The following STK32B variants were observed in gnomAD, a reference collection of about 807,000 sequenced individuals.
The protein encoded by STK32B is serine/threonine kinase 32B, also known as serine/threonine-protein kinase 32B.
In STK32B, 43 loss-of-function variants were observed where a neutral mutation model predicts 52.6. The observed-to-expected ratio is 0.82, with a 90% CI of 0.64 to 1.05. The LOEUF (loss-of-function observed/expected upper bound fraction) is 1.05. Among genes scored for constraint, STK32B ranks in the 50% least tolerant of loss-of-function variants. STK32B has a pLI of 0.00. For missense variants in STK32B, 621 were observed against 534.6 expected (o/e 1.16, Z -1.59); for synonymous variants, 238 against 204.3 (o/e 1.17, Z -1.41).
chr4:5,360,016 G>A (rs1036521637), intron 4 of STK32B, among the ~76,000 whole-genome samples: 2 of 152,188 alleles, frequency 1.3e-5, no homozygotes, highest in Non-Finnish European at 2.9e-5. Context: ...GCTGCTGTGT[G>A]GAAGATGGAC....
At chr4:5,217,966 A>G (rs181511440) in intron 3 of STK32B, among the ~76,000 whole-genome samples, 1 of 152,340 alleles carries the variant, frequency 6.6e-6, no homozygotes, top group East Asian at 1.9e-4. Flanking sequence ...AGAAGGCCTC[A>G]GGCTTTCTAA....
intron 3 of STK32B, among the ~76,000 whole-genome samples, chr4:5,257,700 T>G (rs73081698): frequency 6.6e-6 from 1 of 152,134 alleles, no homozygotes; most frequent in African/African-American, 2.4e-5. Flanking sequence ...CCCAGCACTT[T>G]GGGAGGCCAA....
intron 1 of STK32B, among the ~76,000 whole-genome samples, chr4:5,092,619 C>T (rs1318154912): frequency 6.6e-6 from 1 of 152,090 alleles, no homozygotes; most frequent in Non-Finnish European, 1.5e-5. Context: ...GTTCTGCAGG[C>T]TCCACGGGAA....
At chr4:5,465,094 CA>C (rs1388322291) in intron 9 of STK32B, among the ~76,000 whole-genome samples, 1 of 152,092 alleles carries the variant, frequency 6.6e-6, no homozygotes, top group Non-Finnish European at 1.5e-5. Context: ...CACAGCAGGT[CA>C]CAACAGAAAG....
At chr4:5,427,146 G>T (rs1203031575) in intron 6 of STK32B, among the ~76,000 whole-genome samples, 1 of 152,154 alleles carries the variant, frequency 6.6e-6, no homozygotes, top group Non-Finnish European at 1.5e-5. Context: ...TTCTAAATCT[G>T]TCGAGATAAT....
chr4:5,436,443 T>A (rs541731565), intron 6 of STK32B, among the ~76,000 whole-genome samples: 1 of 152,176 alleles, frequency 6.6e-6, no homozygotes, highest in Non-Finnish European at 1.5e-5. Context: ...ACACAGTTTA[T>A]GAAACAGCCA....
At position 5,467,875 on chromosome 4, in the gene STK32B, A is replaced by T. The variant is rs1283749448; in HGVS notation, c.1042-131A>T. 1.5e-5 allele frequency: 15 copies of T among 983,592 alleles called. No homozygotes were observed. The highest frequency in any genetic ancestry group is 5.4e-5 in the Admixed American group (3 of 55,752). The allele number at this position is 983,592 out of a possible 1,614,324, so 60.9% of individuals were successfully genotyped here. On this transcript the variant is annotated intron_variant, in intron 10 of 11. Coordinates refer to ENST00000282908, the MANE Select transcript of STK32B (RefSeq NM_018401.3). The surrounding 1 kb of genome is among the most constrained non-coding windows in gnomAD (Gnocchi z 5.8). ...CAGTCAGGGTCAGCCCCAGACACTT[A>T]GCTTGGCTTGTCCCGGTCCCAAGCA... is the stretch of plus-strand genomic sequence containing the variant.
chr4:5,356,819 A>T (rs1734199488), intron 4 of STK32B, among the ~76,000 whole-genome samples: 1 of 152,106 alleles, frequency 6.6e-6, no homozygotes, highest in Non-Finnish European at 1.5e-5. Context: ...CAACATGGTG[A>T]AAACCCATCT....
rs939563388 is a variant in STK32B at position 5,459,286 on chromosome 4, C to CT, written c.784-817_784-816insT. ...TCCACCTGTGGACCCTGGTGTGCCC[C>CT]CCCCCCCCACCTTTCTAAGTATGTG... On this transcript the variant is annotated intron_variant, in intron 8 of 11. Transcript: ENST00000282908. 5.2e-5 allele frequency among the ~76,000 whole-genome samples: 3 copies of CT among 58,094 alleles called. No individual in the cohort carries two copies. In the East Asian group the frequency reaches 6.5e-4, roughly 13 times the overall value. The allele number at this position is 58,094 out of a possible 152,430, so 38.1% of individuals were successfully genotyped here.
Position 5,423,652 on chromosome 4 carries a change from C to T in STK32B, c.562+6718C>T, listed in dbSNP as rs560188168. ...CACTCTAGTTGCAGAAACAGACTAACGAAATCCCAGTTCACTGCAGGGGCT... is the reference window on the plus strand; with the variant it reads ...CACTCTAGTTGCAGAAACAGACTAATGAAATCCCAGTTCACTGCAGGGGCT... On this transcript the variant is annotated intron_variant, in intron 6 of 11. Coordinates refer to ENST00000282908, the MANE Select transcript of STK32B (RefSeq NM_018401.3). Among the ~76,000 whole-genome samples the T allele has an allele frequency of 1.1e-4, 17 of 152,294 alleles. No individual in the cohort carries two copies. The South Asian group carries it at 1.9e-3, about 17-fold the overall frequency.
rs529850968 is a variant in STK32B, at chr4:5,470,820, A to G, written c.1106+2750A>G. ...ATCCTTCACTTCTGTCTGGAATCCCATGTTAGAGGCACTGCTGGCACTTGA... is the reference window on the plus strand; with the variant it reads ...ATCCTTCACTTCTGTCTGGAATCCCGTGTTAGAGGCACTGCTGGCACTTGA... On this transcript the variant is annotated intron_variant, in intron 11 of 11. Coordinates refer to ENST00000282908, the MANE Select transcript of STK32B (RefSeq NM_018401.3). This position sits in a 1 kb window ranked among gnomAD's most constrained non-coding sequence, Gnocchi z 4.6. 1.3e-5 allele frequency among the ~76,000 whole-genome samples: 2 copies of G among 152,356 alleles called. No homozygotes were observed. The highest frequency in any genetic ancestry group is 2.9e-5 in the Non-Finnish European group (2 of 68,036).
intron 3 of STK32B, among the ~76,000 whole-genome samples, chr4:5,279,852 T>C (rs988014293): frequency 2.0e-5 from 3 of 152,144 alleles, no homozygotes; most frequent in Admixed American, 6.5e-5. Flanking sequence ...TTTGCCCCTT[T>C]TAGTCACAGC....
chr4:5,095,435 C>T lies in STK32B; in HGVS notation c.52+43520C>T, dbSNP rs1039762005. On this transcript the variant is annotated intron_variant, in intron 1 of 11. Coordinates refer to ENST00000282908, the MANE Select transcript of STK32B (RefSeq NM_018401.3). ...TTCAAGACCAGTCTGGCCAACAGGG[C>T]GAAACTCTGCCTCTATTAAAACTAT... is the stretch of plus-strand genomic sequence containing the variant. Among the ~76,000 whole-genome samples, 10 of 152,196 alleles carry T rather than the reference C, an allele frequency of 6.6e-5. No individual in the cohort carries two copies. In the South Asian group the frequency reaches 8.3e-4, roughly 13 times the overall value.
rs1560313561 is a variant in STK32B, at chr4:5,317,263, T to TATATATTATATAAC, written c.261-13951_261-13950insTATATAACATATAT. 4.3e-4 allele frequency among the ~76,000 whole-genome samples: 11 copies of TATATATTATATAAC among 25,588 alleles called. 1 individual carries two copies. The highest frequency in any genetic ancestry group is 1.9e-3 in the African/African-American group (9 of 4,742). The allele number at this position is 25,588 out of a possible 152,430, so 16.8% of individuals were successfully genotyped here. Reference sequence around the variant, plus strand: ...TATATATTATATATAACATATAACATATATATAATATATAACATATAACAT... The same window carrying TATATATTATATAAC: ...TATATATTATATATAACATATAACATATATATTATATAACATATATAATATATAACATATAACAT... On this transcript the variant is annotated intron_variant, in intron 3 of 11. Coordinates refer to ENST00000282908, the MANE Select transcript of STK32B (RefSeq NM_018401.3).
At chr4:5,196,237 C>T (rs1407650016) in intron 3 of STK32B, among the ~76,000 whole-genome samples, 1 of 151,932 alleles carries the variant, frequency 6.6e-6, no homozygotes, top group Admixed American at 6.6e-5. Context: ...TGCTCAATGA[C>T]ACTGAATGCT....
chr4:5,372,480 T>G (rs1245622125), intron 4 of STK32B, among the ~76,000 whole-genome samples: 4 of 152,108 alleles, frequency 2.6e-5, no homozygotes, highest in African/African-American at 9.7e-5. Context: ...CACATTCACA[T>G]TCGAGACACG....
intron 3 of STK32B, among the ~76,000 whole-genome samples, chr4:5,307,748 G>C (rs6823357): frequency 0.067 from 10,132 of 152,054 alleles, 588 homozygotes; most frequent in African/African-American, 0.16. Flanking sequence ...TTCTCATTTA[G>C]GTAGAGTGTG....
intron 1 of STK32B, among the ~76,000 whole-genome samples, chr4:5,053,085 G>A (rs1334140813): frequency 6.6e-6 from 1 of 152,212 alleles, no homozygotes; most frequent in African/African-American, 2.4e-5. Context: ...AAGGCTGTGA[G>A]TGCTACTCAG....
Position 5,394,911 on chromosome 4 carries a change from G to A in STK32B, c.435-3296G>A, listed in dbSNP as rs113635094. 3.3e-5 allele frequency among the ~76,000 whole-genome samples: 5 copies of A among 152,000 alleles called. No individual in the cohort carries two copies. Among genetic ancestry groups the A allele is most frequent in the Non-Finnish European group, 7.4e-5 (5 of 68,004 alleles). On this transcript the variant is annotated intron_variant, in intron 4 of 11. Coordinates refer to ENST00000282908, the MANE Select transcript of STK32B (RefSeq NM_018401.3). The surrounding 1 kb of genome is among the most constrained non-coding windows in gnomAD (Gnocchi z 4.2). ...TCACATTTATTTTCCCTCCATTTCC[G>A]TGGCCCAGGAGTCCAGGTGGGCTTA... is the stretch of plus-strand genomic sequence containing the variant.
Sources: allele counts gnomAD v4.1 joint callset (sites outside exome capture counted in the v4.1 genomes callset), GRCh38; gene constraint gnomAD v4.1.1; non-coding constraint Gnocchi (gnomAD v3.1); transcripts MANE v1.5; gene names NCBI Gene and HGNC (gene_info 2026-07-23, HGNC 2026-07-21).